BNC2: variants seen among roughly 807,000 people sequenced by gnomAD.
The protein encoded by BNC2 is zinc finger protein basonuclin-2.
BNC2 carries 20 observed loss-of-function variants against 76.3 expected under a neutral mutation model. That is an observed-to-expected ratio of 0.26 (90% confidence interval 0.18 to 0.38). BNC2 has a LOEUF of 0.38. Ranked by LOEUF, BNC2 falls within the 10% of genes least tolerant of loss-of-function variation. The pLI, the probability that BNC2 is intolerant of heterozygous loss-of-function variation, is 1.00. For synonymous variants in BNC2, 582 were observed against 514.8 expected, an observed-to-expected ratio of 1.13 and a Z score of -1.77; for missense variants, 1,382 against 1,399.8, an observed-to-expected ratio of 0.99 and a Z score of 0.20.
At chr9:16,596,302 T>C (rs762839788) in intron 3 of BNC2, among the ~76,000 whole-genome samples, 15 of 152,114 alleles carry the variant, frequency 9.9e-5, no homozygotes, top group Non-Finnish European at 2.2e-4. Flanking sequence ...AAAGCTAATA[T>C]ACAGTATGAA....
chr9:16,851,647 G>A (rs1478358255), intron 1 of BNC2, among the ~76,000 whole-genome samples: 1 of 152,084 alleles, frequency 6.6e-6, no homozygotes, highest in Non-Finnish European at 1.5e-5. Flanking sequence ...TGAATTCTAT[G>A]GTATGCAAAT....
At chr9:16,575,475 G>C (rs554531225) in intron 4 of BNC2, 1 of 981,964 alleles carries the variant, frequency 1.0e-6, no homozygotes, top group African/African-American at 1.7e-5. Flanking sequence ...GGGAGGCACT[G>C]TTTGCGCTGG....
Position 16,810,572 on chromosome 9 carries a change from C to T in BNC2, c.3+60074G>A, listed in dbSNP as rs191322590. ...GGCCCTGGCAAGCAGACCCTGCAGCCAAATCCCAAGCACTGCTTCTCAAAC... is the reference window on the plus strand; with the variant it reads ...GGCCCTGGCAAGCAGACCCTGCAGCTAAATCCCAAGCACTGCTTCTCAAAC... On this transcript the variant is annotated intron_variant, in intron 1 of 6. Transcript: ENST00000380672. Among the ~76,000 whole-genome samples the T allele has an allele frequency of 2.6e-5, 4 of 152,320 alleles. No individual in the cohort carries two copies. The East Asian group carries it at 5.8e-4, about 22-fold the overall frequency.
intron 3 of BNC2, among the ~76,000 whole-genome samples, chr9:16,702,062 C>G (rs1232456913): frequency 1.3e-5 from 2 of 151,886 alleles, no homozygotes; most frequent in Non-Finnish European, 2.9e-5. Flanking sequence ...CATTATTTTG[C>G]TCAACAAATA....
chr9:16,481,291 C>G (rs1822050192), intron 5 of BNC2, among the ~76,000 whole-genome samples: 1 of 152,110 alleles, frequency 6.6e-6, no homozygotes, highest in East Asian at 1.9e-4. Context: ...TAAAAGCAGG[C>G]TGCCCGAGCC....
chr9:16,577,429 C>T (rs1043231699), intron 4 of BNC2, among the ~76,000 whole-genome samples: 4 of 151,758 alleles, frequency 2.6e-5, no homozygotes, highest in Non-Finnish European at 4.4e-5. Flanking sequence ...GTACATTAAA[C>T]CATAAAGCTG....
At chr9:16,622,553 G>A (rs1315772743) in intron 3 of BNC2, among the ~76,000 whole-genome samples, 1 of 152,182 alleles carries the variant, frequency 6.6e-6, no homozygotes, top group East Asian at 1.9e-4. Flanking sequence ...CAAAGCCTCA[G>A]AGAAGGTTTT....
At chr9:16,453,296 C>T (rs1027548670) in intron 5 of BNC2, among the ~76,000 whole-genome samples, 2 of 152,098 alleles carry the variant, frequency 1.3e-5, no homozygotes, top group African/African-American at 2.4e-5. Context: ...GAGTAATTTT[C>T]GAAGCCATGA....
intron 1 of BNC2, among the ~76,000 whole-genome samples, chr9:16,752,958 T>C (rs1345455733): frequency 1.3e-5 from 2 of 152,204 alleles, no homozygotes; most frequent in Non-Finnish European, 2.9e-5. Context: ...GATTAAAACT[T>C]ACAGAACTGC....
chr9:16,741,857 C>G (rs997315638), intron 1 of BNC2, among the ~76,000 whole-genome samples: 1 of 145,558 alleles, frequency 6.9e-6, no homozygotes, highest in Non-Finnish European at 1.5e-5. Flanking sequence ...ACTTGGGAGG[C>G]TGAGGCACGA....
At chr9:16,830,361 C>A (rs1277718568) in intron 1 of BNC2, among the ~76,000 whole-genome samples, 1 of 152,144 alleles carries the variant, frequency 6.6e-6, no homozygotes, top group Non-Finnish European at 1.5e-5. Flanking sequence ...ACGCTCAAAT[C>A]CCTTAAAAAT....
At chr9:16,638,385 T>C (rs1821389944) in intron 3 of BNC2, among the ~76,000 whole-genome samples, 1 of 152,206 alleles carries the variant, frequency 6.6e-6, no homozygotes, top group East Asian at 1.9e-4. Context: ...CATTACTGAT[T>C]ACTGGATAAA....
intron 1 of BNC2, among the ~76,000 whole-genome samples, chr9:16,772,115 C>G (rs982106755): frequency 1.9e-4 from 29 of 152,088 alleles, no homozygotes; most frequent in Non-Finnish European, 2.9e-5. Context: ...TCCTTTATTT[C>G]TTGAAGAGTC....
chr9:16,497,978 GGTGT>G (rs34523754), intron 5 of BNC2, among the ~76,000 whole-genome samples: 1,979 of 134,836 alleles, frequency 0.015, 31 homozygotes, highest in African/African-American at 0.037. Context: ...AAGAAACTGT[GGTGT>G]GTGTGTGTGT....
At chr9:16,680,308 T>C (rs1286492125) in intron 3 of BNC2, among the ~76,000 whole-genome samples, 3 of 152,164 alleles carry the variant, frequency 2.0e-5, no homozygotes, top group African/African-American at 7.2e-5. Context: ...ATGTTGATTC[T>C]GATGTGGGTA....
intron 5 of BNC2, among the ~76,000 whole-genome samples, chr9:16,535,521 A>G (rs1203826141): frequency 6.6e-6 from 1 of 152,076 alleles, no homozygotes. Context: ...AAGTAGTTGT[A>G]TCTAACCCTG....
At chr9:16,681,344 G>A (rs188493049) in intron 3 of BNC2, among the ~76,000 whole-genome samples, 94 of 152,314 alleles carry the variant, frequency 6.2e-4, no homozygotes, top group African/African-American at 2.2e-3. Context: ...GGAAAAAGGA[G>A]CTGAATAAAC....
intron 5 of BNC2, among the ~76,000 whole-genome samples, chr9:16,481,761 G>A (rs1472722620): frequency 6.6e-6 from 1 of 151,438 alleles, no homozygotes; most frequent in African/African-American, 2.4e-5. Context: ...GTACAGTGTG[G>A]TTATAATATA....
chr9:16,797,376 T>A (rs1470646842), intron 1 of BNC2, among the ~76,000 whole-genome samples: 1 of 152,190 alleles, frequency 6.6e-6, no homozygotes, highest in Non-Finnish European at 1.5e-5. Flanking sequence ...TACTATAGAT[T>A]TGACATCCCT....
Sources: gnomAD v4.1 joint callset for allele counts (sites outside exome capture counted in the v4.1 genomes callset) on GRCh38, gnomAD v4.1.1 for gene constraint, MANE v1.5 for transcripts, NCBI Gene and HGNC (gene_info 2026-07-23, HGNC 2026-07-21) for gene names.